NXF1: variants seen among roughly 807,000 people sequenced by gnomAD.
NXF1 encodes the protein nuclear RNA export factor 1.
NXF1 carries 43 observed loss-of-function variants against 92.4 expected under a neutral mutation model. The observed-to-expected ratio is 0.47, with a 90% CI of 0.36 to 0.60. The LOEUF is 0.60. Ranked by LOEUF, NXF1 falls within the 20% of genes least tolerant of loss-of-function variation. The pLI is 0.00. For synonymous variants in NXF1, 288 were observed against 292.2 expected, an observed-to-expected ratio of 0.99 and a Z score of 0.15; for missense variants, 576 against 793.0, an observed-to-expected ratio of 0.73 and a Z score of 3.29.
chr11:62,800,187 G>C, intron 10 of NXF1, 190 bp downstream of exon 10: 1 of 1,414,476 alleles, frequency 7.1e-7, no homozygotes, highest in Non-Finnish European at 9.2e-7. Flanking sequence ...CAGAAGAGAA[G>C]AGAGAACATC....
Position 62,794,272 on chromosome 11 carries a change from G to A in NXF1, c.1746C>T (p.Leu582=), listed in dbSNP as rs181325349. ...CCCGCACTCACTTCTGGGACCACTCGAGGTTCATGCCAGACTGGGTAGAGA... is the reference window on the plus strand; with the variant it reads ...CCCGCACTCACTTCTGGGACCACTCAAGGTTCATGCCAGACTGGGTAGAGA... ...QAFSTQSGMN[L]EWSQKCLQDN... is the part of the protein sequence containing the mutation. Residue 582 remains leucine, a synonymous_variant, in exon 19 of 21, where the codon CTC becomes CTT. Transcript: ENST00000294172. The A allele has an allele frequency of 2.2e-5, 35 of 1,613,624 alleles. No individual in the cohort carries two copies. The highest frequency in any genetic ancestry group is 4.0e-5 in the African/African-American group (3 of 75,008).
chr11:62,800,172 C>T, intron 10 of NXF1: 1 of 1,400,468 alleles, frequency 7.1e-7, no homozygotes, highest in Admixed American at 3.0e-5. Context: ...AACAGATAGT[C>T]AAGTCAGAAG....
At chr11:62,799,101 A>G (rs753924116) in intron 10 of NXF1, 2 of 986,942 alleles carry the variant, frequency 2.0e-6, no homozygotes, top group Non-Finnish European at 2.4e-6. Flanking sequence ...AAAAGAGAAA[A>G]AGGCAAGATG....
rs1389652688 is a variant in NXF1, at chr11:62,796,513, A to G, written c.1233T>C (p.His411=). ...GDRQGLLDAY[H]DGACCSLSIP... is the part of the protein sequence containing the mutation. ...TGCTCAGGGAACAGCAGGCCCCATC[A>G]TGGTAGGCATCCAGGAGCCCTTGTC... Residue 411 remains histidine (H), a synonymous_variant, in exon 14 of 21, where the codon CAT becomes CAC. Transcript: ENST00000294172. The G allele has an allele frequency of 2.5e-6, 4 of 1,614,148 alleles. No individual in the cohort carries two copies. Among genetic ancestry groups the G allele is most frequent in the Non-Finnish European group, 3.4e-6 (4 of 1,180,006 alleles).
At position 62,792,911 on chromosome 11, in the gene NXF1, C is replaced by T. The variant is rs954848326; in HGVS notation, c.1761-210G>A. Reference sequence around the variant, plus strand: ...GGAATATTAAATAGCTGTCAAGAAGCTCAAGATAGTTTTTACAGTGGTAGG... The same window carrying T: ...GGAATATTAAATAGCTGTCAAGAAGTTCAAGATAGTTTTTACAGTGGTAGG... On this transcript the variant is annotated intron_variant, in intron 19 of 20. Transcript: ENST00000294172. 5.3e-5 allele frequency: 31 copies of T among 581,626 alleles called. No homozygotes were observed. In the Admixed American group the frequency reaches 7.0e-4, roughly 13 times the overall value. The allele number at this position is 581,626 out of a possible 1,614,324, so 36.0% of individuals were successfully genotyped here.
At chr11:62,795,553 A>G (rs1456735982) in intron 17 of NXF1, among the ~76,000 whole-genome samples, 2 of 152,214 alleles carry the variant, frequency 1.3e-5, no homozygotes, top group Non-Finnish European at 2.9e-5. Context: ...AAGTCACTTC[A>G]GTTTACTTCC....
intron 10 of NXF1, chr11:62,798,922 G>A: frequency 3.6e-6 from 4 of 1,096,366 alleles, no homozygotes; most frequent in Non-Finnish European, 4.4e-6. Flanking sequence ...GAATGGGGTG[G>A]GAGCCCAGGG....
Position 62,797,315 on chromosome 11 carries a change from T to C in NXF1, c.1122+3A>G. The C allele has an allele frequency of 6.2e-7, 1 of 1,614,198 alleles. No homozygotes were observed. The highest frequency in any genetic ancestry group is 8.5e-7 in the Non-Finnish European group (1 of 1,180,024). ...AAGTTCTTACTCTGTCCATGCTTCCTACCTTGCAGGGCGGTAACGTCGTGG... is the reference window on the plus strand; with the variant it reads ...AAGTTCTTACTCTGTCCATGCTTCCCACCTTGCAGGGCGGTAACGTCGTGG... On this transcript the variant is annotated splice_donor_region_variant and intron_variant, in intron 12 of 20. Coordinates refer to ENST00000294172, the MANE Select transcript of NXF1 (RefSeq NM_006362.5).
rs2084468310 is a variant in NXF1 at position 62,800,595 on chromosome 11, A to G, written c.907-109T>C. 6 of 686,074 alleles carry G rather than the reference A, an allele frequency of 8.7e-6. No individual in the cohort carries two copies. In the Admixed American group the frequency reaches 9.5e-5, roughly 11 times the overall value. The allele number at this position is 686,074 out of a possible 1,614,324, so 42.5% of individuals were successfully genotyped here. Reference sequence around the variant, plus strand: ...GCTCTGAGATCTTTTCTAATCTTTTAAAATTTTTTCTTTTTTTTTTTTTTT... The same window carrying G: ...GCTCTGAGATCTTTTCTAATCTTTTGAAATTTTTTCTTTTTTTTTTTTTTT... On this transcript the variant is annotated intron_variant, in intron 9 of 20. Coordinates refer to ENST00000294172, the MANE Select transcript of NXF1 (RefSeq NM_006362.5).
Position 62,803,854 on chromosome 11 carries a change from G to A in NXF1, c.153C>T (p.Arg51=), listed in dbSNP as rs2084505634. The A allele has an allele frequency of 6.2e-7, 1 of 1,614,024 alleles. No homozygotes were observed. The highest frequency in any genetic ancestry group is 1.3e-5 in the African/African-American group (1 of 74,902). Residue 51 remains arginine, a synonymous_variant, in exon 2 of 21, where the codon CGC becomes CGT. Transcript: ENST00000294172. The part of the protein sequence containing the change: ...GRGGSGIRSS[R]LEEDDGDVAM... The stretch of plus-strand genomic sequence containing the variant: ...CCACATCTCCATCATCTTCCTCAAG[G>A]CGGGAAGACCGAATACCAGAACCGC...
chr11:62,798,955 C>CG, intron 10 of NXF1: 1 of 1,050,380 alleles, frequency 9.5e-7, no homozygotes, highest in South Asian at 3.8e-5. Flanking sequence ...CACCAGGTAT[C>CG]CATCAGTTCT....
In NXF1 at chr11:62,803,882, C is replaced by T. The variant is rs769307705; in HGVS notation, c.125G>A (p.Arg42Lys). 1 of 1,614,220 alleles carries T rather than the reference C, an allele frequency of 6.2e-7. No homozygotes were observed. The highest frequency in any genetic ancestry group is 1.1e-5 in the South Asian group (1 of 91,088). The change falls in exon 2 of 21, where the codon AGA becomes AAA. Residue 42 changes from arginine (R) to lysine (K), a missense_variant. Physicochemically the swap from Arg to Lys is conservative, Grantham distance 26. Coordinates refer to ENST00000294172, the MANE Select transcript of NXF1 (RefSeq NM_006362.5). ...KYGEGNRRSG[R>K]GGSGIRSSRL... ...GGAAGACCGAATACCAGAACCGCCT[C>T]TTCCAGACCTACGGTTTCCTTCACC...
rs1176132666 is a variant in NXF1, at chr11:62,798,445, A to AAAAAAGAAAAAG, written c.1053+82_1053+93dup. Reference sequence around the variant, plus strand: ...GAAACTCCGTCTCAAATAAAAAAAAAAAAAAGAAAAAGAAAAAGAAAAAGA... The same window carrying AAAAAAGAAAAAG: ...GAAACTCCGTCTCAAATAAAAAAAAAAAAAAGAAAAAGAAAAAGAAAAAGAAAAAGAAAAAGA... On this transcript the variant is annotated intron_variant, in intron 11 of 20. Transcript: ENST00000294172. 2.4e-4 allele frequency: 369 copies of AAAAAAGAAAAAG among 1,539,812 alleles called. 1 individual carries two copies. In the African/African-American group the frequency reaches 4.4e-3, roughly 18 times the overall value.
intron 18 of NXF1, 119 bp downstream of exon 18, chr11:62,794,816 T>C: frequency 4.4e-6 from 4 of 905,756 alleles, no homozygotes; most frequent in South Asian, 1.6e-5. Context: ...CTATGTGAGC[T>C]TTCTCTGATT....
chr11:62,803,208 AC>A (rs2084498802), intron 3 of NXF1, among the ~76,000 whole-genome samples: 1 of 151,934 alleles, frequency 6.6e-6, no homozygotes, highest in African/African-American at 2.4e-5. Context: ...AGTCCCAGCT[AC>A]TCGGGAGACT....
At chr11:62,794,610 C>G (rs1378494594) in intron 18 of NXF1, 170 bp from the exon 19 acceptor site, 1 of 642,180 alleles carries the variant, frequency 1.6e-6, no homozygotes, top group Non-Finnish European at 2.7e-6. Flanking sequence ...GAAGGATTAT[C>G]TACTAAACAC....
At chr11:62,800,023 G>A in intron 10 of NXF1, 1 of 1,035,728 alleles carries the variant, frequency 9.7e-7, no homozygotes, top group East Asian at 8.2e-5. Flanking sequence ...TTGGCACAAG[G>A]CAACCCCATC....
At position 62,796,466 on chromosome 11, in the gene NXF1, GGGT is replaced by G; in HGVS notation, c.1277_1279del (p.Asn426_Pro427delinsThr). The G allele has an allele frequency of 6.2e-7, 1 of 1,614,140 alleles. No individual in the cohort carries two copies. The highest frequency in any genetic ancestry group is 1.3e-5 in the African/African-American group (1 of 75,032). ...TCTGGGATGTGATACTAACCGGGCAGGGTTCTGAGGAATGAAAGGAATGCTCAG... is the reference window on the plus strand; with the variant it reads ...TCTGGGATGTGATACTAACCGGGCAGTCTGAGGAATGAAAGGAATGCTCAG... On this transcript the variant is annotated inframe_deletion, in exon 14 of 21. Coordinates refer to ENST00000294172, the MANE Select transcript of NXF1 (RefSeq NM_006362.5).
At chr11:62,797,415 G>A (rs2084433166) in intron 11 of NXF1, 29 bp from the exon 12 acceptor site, 1 of 1,603,132 alleles carries the variant, frequency 6.2e-7, no homozygotes, top group Admixed American at 1.7e-5. Flanking sequence ...AGTTGACAGT[G>A]TAGACTGGGC....
Sources: gnomAD v4.1 joint callset for allele counts (sites outside exome capture counted in the v4.1 genomes callset) on GRCh38, gnomAD v4.1.1 for gene constraint, MANE v1.5 for transcripts, NCBI Gene and HGNC (gene_info 2026-07-23, HGNC 2026-07-21) for gene names.